The following NFILZ variants were observed in gnomAD, a reference collection of about 807,000 sequenced individuals.
NFILZ encodes the protein NFIL3 like basic leucine zipper.
At chr19:8,639,093 C>T (rs966756745) in intron 3 of NFILZ, among the ~76,000 whole-genome samples, 1 of 152,156 alleles carries the variant, frequency 6.6e-6, no homozygotes, top group Non-Finnish European at 1.5e-5. Context: ...ATCTGCCCGA[C>T]TCGGCCTCCC....
rs1246521049 is a variant in NFILZ at position 8,656,497 on chromosome 19, C to CCCACCTTCTCCCT, written c.-163-18054_-163-18053insCCACCTTCTCCCT. Among the ~76,000 whole-genome samples, 87 of 68,446 alleles carry CCCACCTTCTCCCT rather than the reference C, an allele frequency of 1.3e-3. 12 individuals are homozygous for CCCACCTTCTCCCT. Among genetic ancestry groups the CCCACCTTCTCCCT allele is most frequent in the African/African-American group, 4.6e-3 (74 of 16,068 alleles). The allele number at this position is 68,446 out of a possible 152,430, so 44.9% of individuals were successfully genotyped here. ...CCTTCTCCCGCAGCCCACCTTCTCC[C>CCCACCTTCTCCCT]GCAGCCCACCTTCTCCTGCAGCCCA... On this transcript the variant is annotated intron_variant, in intron 3 of 5. Transcript: ENST00000691075.
At chr19:8,671,492 G>A (rs2043086866) in intron 3 of NFILZ, among the ~76,000 whole-genome samples, 1 of 152,092 alleles carries the variant, frequency 6.6e-6, no homozygotes, top group South Asian at 2.1e-4. Flanking sequence ...TCTCAGTGGT[G>A]TGGCCTGAGA....
At chr19:8,643,020 G>C (rs1040454087) in intron 3 of NFILZ, among the ~76,000 whole-genome samples, 1 of 149,118 alleles carries the variant, frequency 6.7e-6, no homozygotes, top group Non-Finnish European at 1.5e-5. Flanking sequence ...TGTGATCATA[G>C]TTTACTGCAT....
rs1292753614 is a variant in NFILZ at position 8,678,111 on chromosome 19, A to G, written c.*476A>G. 2.2e-4 allele frequency among the ~76,000 whole-genome samples: 2 copies of G among 9,246 alleles called. No individual in the cohort carries two copies. Among genetic ancestry groups the G allele is most frequent in the African/African-American group, 3.2e-4 (1 of 3,132 alleles). 6.1% of individuals were successfully genotyped at this position (9,246 alleles called of 152,430 possible). On this transcript the variant is annotated 3_prime_UTR_variant, in exon 6 of 6. Transcript: ENST00000691075. ...ATCCATTCCATCCATCCATCCATCC[A>G]TCCATCCATCCATCCCTCCATCCAT...
At position 8,678,320 on chromosome 19, in the gene NFILZ, A is replaced by G. The variant is rs565241573; in HGVS notation, c.*685A>G. Among the ~76,000 whole-genome samples the G allele has an allele frequency of 2.7e-5, 4 of 150,122 alleles. No individual in the cohort carries two copies. The East Asian group carries it at 6.1e-4, about 23-fold the overall frequency. ...CATGCATTTGTTCTTCCTTCTTTCT[A>G]TCTAGCCATCCATTCTCATTCATCC... On this transcript the variant is annotated 3_prime_UTR_variant, in exon 6 of 6. Coordinates refer to ENST00000691075, the MANE Select transcript of NFILZ (RefSeq NM_001378600.1).
rs2043135079 is a variant in NFILZ at position 8,679,418 on chromosome 19, C to A, written c.*1783C>A. Among the ~76,000 whole-genome samples the A allele has an allele frequency of 6.6e-6, 1 of 151,918 alleles. No homozygotes were observed. Among genetic ancestry groups the A allele is most frequent in the Admixed American group, 6.6e-5 (1 of 15,242 alleles). ...GGTACTGACACTGAGAACCAGATGC[C>A]CCTGGCCAACTGGATCACTTGGACT... On this transcript the variant is annotated 3_prime_UTR_variant, in exon 6 of 6. Transcript: ENST00000691075.
At chr19:8,648,733 TC>T (rs1555747438) in intron 3 of NFILZ, among the ~76,000 whole-genome samples, 1 of 151,290 alleles carries the variant, frequency 6.6e-6, no homozygotes, top group African/African-American at 2.4e-5. Context: ...ATGCCTGTAA[TC>T]CCAGCTACTT....
chr19:8,671,665 C>T (rs981464210), intron 3 of NFILZ, among the ~76,000 whole-genome samples: 1 of 152,150 alleles, frequency 6.6e-6, no homozygotes, highest in Non-Finnish European at 1.5e-5. Context: ...TCGGAGCTTG[C>T]CTACCACTTC....
At chr19:8,646,079 C>G (rs1195304899) in intron 3 of NFILZ, among the ~76,000 whole-genome samples, 1 of 151,914 alleles carries the variant, frequency 6.6e-6, no homozygotes, top group African/African-American at 2.4e-5. Context: ...CTCTGTTGCC[C>G]AGGCTGGAGT....
chr19:8,653,888 C>T (rs546617965), intron 3 of NFILZ, among the ~76,000 whole-genome samples: 129 of 152,172 alleles, frequency 8.5e-4, no homozygotes, highest in Non-Finnish European at 1.5e-3. Flanking sequence ...TTTCAGGTGA[C>T]GGGTGCTCTA....
At chr19:8,635,531 G>T (rs1453320121) in intron 2 of NFILZ, 119 bp from the exon 3 acceptor site, 1 of 152,014 alleles carries the variant, frequency 6.6e-6, no homozygotes, top group African/African-American at 2.4e-5. Flanking sequence ...ACTTCTTCCA[G>T]GCAGCAGAAT....
intron 3 of NFILZ, among the ~76,000 whole-genome samples, chr19:8,664,389 C>T (rs1009095123): frequency 1.3e-5 from 2 of 152,236 alleles, no homozygotes; most frequent in Non-Finnish European, 1.5e-5. Flanking sequence ...TCAGCCTGTT[C>T]CTGGCACTCG....
At chr19:8,663,750 G>GTA (rs1403759520) in intron 3 of NFILZ, among the ~76,000 whole-genome samples, 73,606 of 136,996 alleles carry the variant, frequency 0.54, 21,049 homozygotes, top group East Asian at 0.75. Context: ...GTGTGTGTGT[G>GTA]TGTGTGTGTG....
At chr19:8,661,117 TC>T (rs1600150385) in intron 3 of NFILZ, among the ~76,000 whole-genome samples, 1 of 113,408 alleles carries the variant, frequency 8.8e-6, no homozygotes, top group South Asian at 3.8e-4. Context: ...CTTCCTTCCT[TC>T]CTTCCCTCCC....
In NFILZ at chr19:8,656,354, C is replaced by CTT. The variant is rs1600147428; in HGVS notation, c.-163-18197_-163-18196insTT. Among the ~76,000 whole-genome samples the CTT allele has an allele frequency of 2.8e-4, 32 of 112,784 alleles. 3 individuals are homozygous for CTT. Among genetic ancestry groups the CTT allele is most frequent in the East Asian group, 1.9e-3 (8 of 4,274 alleles). 74.0% of individuals were successfully genotyped at this position (112,784 alleles called of 152,430 possible). The stretch of plus-strand genomic sequence containing the variant: ...CCCTTCTTCCTGAAGCCCACCTCTT[C>CTT]CCTGAAGCCCACCTTCTCCCTGAAG... On this transcript the variant is annotated intron_variant, in intron 3 of 5. Coordinates refer to ENST00000691075, the MANE Select transcript of NFILZ (RefSeq NM_001378600.1).
At chr19:8,646,434 C>A (rs1210227080) in intron 3 of NFILZ, among the ~76,000 whole-genome samples, 11 of 152,128 alleles carry the variant, frequency 7.2e-5, no homozygotes, top group African/African-American at 2.7e-4. Context: ...CTGGCGTGGC[C>A]AGAACCAGGA....
Position 8,676,611 on chromosome 19 carries a change from T to C in NFILZ, c.-15-140T>C, listed in dbSNP as rs185713147. Among the ~76,000 whole-genome samples the C allele has an allele frequency of 5.8e-3, 890 of 152,322 alleles. 7 individuals are homozygous for C. The highest frequency in any genetic ancestry group is 8.6e-3 in the Non-Finnish European group (588 of 68,030). On this transcript the variant is annotated intron_variant, in intron 5 of 5. Coordinates refer to ENST00000691075, the MANE Select transcript of NFILZ (RefSeq NM_001378600.1). ...TCACTGGGCATCAAACAGATGAAGATCGAACCTTGGTCTCCAGCTCAGTTC... is the reference window on the plus strand; with the variant it reads ...TCACTGGGCATCAAACAGATGAAGACCGAACCTTGGTCTCCAGCTCAGTTC...
At chr19:8,674,967 G>A (rs2043104532) in intron 4 of NFILZ, among the ~76,000 whole-genome samples, 1 of 152,150 alleles carries the variant, frequency 6.6e-6, no homozygotes, top group Non-Finnish European at 1.5e-5. Context: ...TGTCTTTCAT[G>A]GTTTCTTGGG....
chr19:8,650,597 C>G (rs1331472735), intron 3 of NFILZ, among the ~76,000 whole-genome samples: 1 of 147,236 alleles, frequency 6.8e-6, no homozygotes, highest in Non-Finnish European at 1.5e-5. Flanking sequence ...GAGGTTACAG[C>G]GAGCAAAGAT....
Sources: gnomAD v4.1 joint callset for allele counts (sites outside exome capture counted in the v4.1 genomes callset) on GRCh38, gnomAD v4.1.1 for gene constraint, MANE v1.5 for transcripts, NCBI Gene and HGNC (gene_info 2026-07-23, HGNC 2026-07-21) for gene names.